SAMMSON: variants seen among roughly 807,000 people sequenced by gnomAD.
The protein encoded by SAMMSON is survival associated mitochondrial melanoma specific oncogenic non-coding RNA.
chr3:70,163,354 TAGAGAG>T (rs71626390), intron 4 of SAMMSON, among the ~76,000 whole-genome samples: 3 of 148,018 alleles, frequency 2.0e-5, no homozygotes, highest in East Asian at 2.0e-4. Flanking sequence ...TATATATATA[TAGAGAG>T]AGAGAGAGAG....
At chr3:70,053,469 A>G (rs1016783810) in intron 3 of SAMMSON, among the ~76,000 whole-genome samples, 4 of 152,266 alleles carry the variant, frequency 2.6e-5, no homozygotes, top group African/African-American at 7.2e-5. Context: ...TAAAGATGAG[A>G]GCCACTAGTG....
intron 3 of SAMMSON, among the ~76,000 whole-genome samples, chr3:70,028,218 TCTC>T (rs1458159997): frequency 6.6e-6 from 1 of 151,744 alleles, no homozygotes; most frequent in Non-Finnish European, 1.5e-5. Flanking sequence ...TTTCTTTCTT[TCTC>T]TTTTTCTTTC....
intron 4 of SAMMSON, among the ~76,000 whole-genome samples, chr3:70,208,564 T>C (rs1485935613): frequency 6.6e-6 from 1 of 151,912 alleles, no homozygotes; most frequent in African/African-American, 2.4e-5. Flanking sequence ...CAATCCTTGG[T>C]GGGATGGGAG....
At chr3:70,066,807 C>A (rs2067211721) in intron 3 of SAMMSON, among the ~76,000 whole-genome samples, 1 of 152,048 alleles carries the variant, frequency 6.6e-6, no homozygotes, top group Non-Finnish European at 1.5e-5. Flanking sequence ...ACCTTAAGAA[C>A]CTGTTGTGAT....
intron 3 of SAMMSON, among the ~76,000 whole-genome samples, chr3:70,043,929 AG>A (rs753230087): frequency 2.3e-4 from 35 of 152,214 alleles, no homozygotes; most frequent in Non-Finnish European, 4.3e-4. Context: ...ATCTAACAAA[AG>A]TTAAAGTGAA....
chr3:70,325,490 C>T (rs1260209760), intron 7 of SAMMSON, among the ~76,000 whole-genome samples: 1 of 152,106 alleles, frequency 6.6e-6, no homozygotes, highest in African/African-American at 2.4e-5. Flanking sequence ...AAATAATCAA[C>T]TCAAAAGCAT....
chr3:70,376,518 A>C (rs1703017059), intron 9 of SAMMSON, among the ~76,000 whole-genome samples: 1 of 152,192 alleles, frequency 6.6e-6, no homozygotes, highest in African/African-American at 2.4e-5. Context: ...GATTGAATCC[A>C]TCAGACACCT....
intron 7 of SAMMSON, among the ~76,000 whole-genome samples, chr3:70,299,509 A>G (rs143471839): frequency 2.0e-3 from 300 of 152,184 alleles, no homozygotes; most frequent in Non-Finnish European, 3.1e-3. Context: ...GAATCCAGAA[A>G]TCTCTGTAAT....
intron 6 of SAMMSON, among the ~76,000 whole-genome samples, chr3:70,278,240 T>G (rs9682662): frequency 6.6e-6 from 1 of 152,168 alleles, no homozygotes; most frequent in African/African-American, 2.4e-5. Context: ...GAAAGATTCA[T>G]TTACATTCTT....
chr3:70,160,904 A>T (rs2067612122), intron 4 of SAMMSON, among the ~76,000 whole-genome samples: 1 of 152,062 alleles, frequency 6.6e-6, no homozygotes, highest in Non-Finnish European at 1.5e-5. Flanking sequence ...ATAATTTTAA[A>T]TTTTATTCCT....
At chr3:70,014,997 G>C (rs1262543825) in intron 3 of SAMMSON, 1 of 152,160 alleles carries the variant, frequency 6.6e-6, no homozygotes, top group Non-Finnish European at 1.5e-5. Flanking sequence ...AAACCATCTT[G>C]GGGCCAGGTG....
intron 4 of SAMMSON, among the ~76,000 whole-genome samples, chr3:70,100,646 T>C (rs1340727216): frequency 6.6e-6 from 1 of 152,220 alleles, no homozygotes; most frequent in African/African-American, 2.4e-5. Flanking sequence ...TCCAATTTCC[T>C]GCCTAAAGTG....
At chr3:70,126,221 C>T (rs6762939) in intron 4 of SAMMSON, 99,206 of 1,043,510 alleles carry the variant, frequency 0.095, 5,573 homozygotes, top group Non-Finnish European at 0.11. Flanking sequence ...CCAATTCTTT[C>T]TTTTCTTTAT....
rs143707669 is a variant in SAMMSON, at chr3:70,241,088, G to A, written n.508-8019G>A. On this transcript the variant is annotated intron_variant and non_coding_transcript_variant, in intron 4 of 9. Coordinates refer to ENST00000642114, the Ensembl canonical transcript of SAMMSON. ...CCTGTGATGTGACTGCGGTGACACT[G>A]ACTTCTGTGACTTCTGTTCATGGAT... 3.4e-3 allele frequency among the ~76,000 whole-genome samples: 525 copies of A among 152,226 alleles called. 2 individuals are homozygous for A. The highest frequency in any genetic ancestry group is 0.012 in the African/African-American group (485 of 41,520).
intron 1 of SAMMSON, among the ~76,000 whole-genome samples, chr3:70,005,267 T>TA (rs1337352450): frequency 6.6e-6 from 1 of 151,900 alleles, no homozygotes; most frequent in East Asian, 1.9e-4. Context: ...CCCCAAAACT[T>TA]AGTGGCTTAA....
chr3:70,203,636 T>G (rs1490711034), intron 4 of SAMMSON, among the ~76,000 whole-genome samples: 1 of 152,170 alleles, frequency 6.6e-6, no homozygotes, highest in Admixed American at 6.6e-5. Flanking sequence ...GTGCATTTAA[T>G]TGTATGAAAT....
intron 4 of SAMMSON, among the ~76,000 whole-genome samples, chr3:70,083,500 T>A (rs1322369380): frequency 2.0e-5 from 3 of 152,188 alleles, no homozygotes; most frequent in Non-Finnish European, 4.4e-5. Flanking sequence ...TCACCAAATC[T>A]TGGCCATGAC....
chr3:70,255,966 A>G (rs1385394402), intron 6 of SAMMSON, among the ~76,000 whole-genome samples: 2 of 152,208 alleles, frequency 1.3e-5, no homozygotes, highest in Non-Finnish European at 2.9e-5. Context: ...CACGTAATTG[A>G]AAATCAAGAT....
At chr3:70,397,245 T>G (rs996105465) in intron 2 of SAMMSON, among the ~76,000 whole-genome samples, 1 of 152,146 alleles carries the variant, frequency 6.6e-6, no homozygotes, top group African/African-American at 2.4e-5. Context: ...ATATATTAAG[T>G]TTTGAGCTCC....
Sources: gnomAD v4.1 joint callset for allele counts (sites outside exome capture counted in the v4.1 genomes callset) on GRCh38, gnomAD v4.1.1 for gene constraint, MANE v1.5 for transcripts, NCBI Gene and HGNC (gene_info 2026-07-23, HGNC 2026-07-21) for gene names.